Variants in HDAC4 observed in about 807,000 individuals in gnomAD.
HDAC4 encodes histone deacetylase A.
A neutral mutation model predicts 135.1 loss-of-function variants in HDAC4; 16 were observed. The ratio of observed to expected loss-of-function variants is 0.12; its 90% confidence interval spans 0.08 to 0.18. The LOEUF is 0.18. Ranked by LOEUF, HDAC4 falls within the 10% of genes least tolerant of loss-of-function variation. The pLI is 1.00. For synonymous variants in HDAC4, 685 were observed against 653.4 expected (o/e 1.05, Z -0.74); for missense variants, 1,143 against 1,511.8 (o/e 0.76, Z 4.05).
intron 1 of HDAC4, among the ~76,000 whole-genome samples, chr2:239,390,109 A>C (rs1174865391): frequency 6.6e-6 from 1 of 152,206 alleles, no homozygotes; most frequent in African/African-American, 2.4e-5. Context: ...AGCTGGATCA[A>C]ACAGTGCCTG....
At chr2:239,079,309 G>C (rs2035065814) in intron 22 of HDAC4, among the ~76,000 whole-genome samples, 2 of 152,212 alleles carry the variant, frequency 1.3e-5, no homozygotes, top group Admixed American at 1.3e-4. Flanking sequence ...TGAGATCAGG[G>C]GAAAAGTGGT....
Position 239,308,892 on chromosome 2 carries a change from C to T in HDAC4, c.22+43786G>A, listed in dbSNP as rs1437446829. Among the ~76,000 whole-genome samples the T allele has an allele frequency of 2.6e-5, 4 of 152,192 alleles. No homozygotes were observed. The highest frequency in any genetic ancestry group is 2.9e-5 in the Non-Finnish European group (2 of 68,040). On this transcript the variant is annotated intron_variant, in intron 2 of 26. Coordinates refer to ENST00000543185, the MANE Select transcript of HDAC4 (RefSeq NM_001378414.1). This position sits in a 1 kb window ranked among gnomAD's most constrained non-coding sequence, Gnocchi z 4.2. The stretch of plus-strand genomic sequence containing the variant: ...TCCCCTTCCTCTACACCCAAGCCCT[C>T]GGAAGCACGCTGCAGGCCCCTGGAG...
intron 2 of HDAC4, among the ~76,000 whole-genome samples, chr2:239,335,255 C>CA (rs996617143): frequency 6.6e-6 from 1 of 151,592 alleles, no homozygotes; most frequent in African/African-American, 2.4e-5. Context: ...TCACTTATGA[C>CA]AAAGTTGCAT....
At chr2:239,086,310 C>A (rs1235754640) in intron 19 of HDAC4, among the ~76,000 whole-genome samples, 1 of 135,902 alleles carries the variant, frequency 7.4e-6, no homozygotes, top group Non-Finnish European at 1.6e-5. Context: ...GAAGGAGACT[C>A]TGCTCTAACA....
In HDAC4 at chr2:239,308,675, T is replaced by A. The variant is rs540561259; in HGVS notation, c.22+44003A>T. On this transcript the variant is annotated intron_variant, in intron 2 of 26. Coordinates refer to ENST00000543185, the MANE Select transcript of HDAC4 (RefSeq NM_001378414.1). This position sits in a 1 kb window ranked among gnomAD's most constrained non-coding sequence, Gnocchi z 4.2. ...AGTGTGGTTAACAGGCCTCCGGGTG[T>A]CCCCCCCTTCCAGCCCAGTGCAGGG... Among the ~76,000 whole-genome samples, 13 of 151,998 alleles carry A rather than the reference T, an allele frequency of 8.6e-5. No homozygotes were observed. The South Asian group carries it at 2.7e-3, about 32-fold the overall frequency.
intron 22 of HDAC4, among the ~76,000 whole-genome samples, chr2:239,075,575 G>A (rs535080093): frequency 4.6e-5 from 7 of 152,344 alleles, no homozygotes; most frequent in Non-Finnish European, 8.8e-5. Flanking sequence ...CGTGAGGCAC[G>A]TACAGAGGGA....
intron 5 of HDAC4, 71 bp downstream of exon 5, chr2:239,176,342 C>A: frequency 5.4e-6 from 1 of 185,040 alleles, no homozygotes; most frequent in Non-Finnish European, 7.2e-6. Flanking sequence ...CTCTGCCCAG[C>A]CTTCCGTGCC....
chr2:239,063,996 G>A (rs1375438807), intron 24 of HDAC4, among the ~76,000 whole-genome samples: 1 of 152,234 alleles, frequency 6.6e-6, no homozygotes, highest in African/African-American at 2.4e-5. Flanking sequence ...GAGCCCTGCC[G>A]ATCATCTGCA....
At chr2:239,223,394 G>C (rs1357686116) in intron 3 of HDAC4, among the ~76,000 whole-genome samples, 1 of 152,242 alleles carries the variant, frequency 6.6e-6, no homozygotes, top group South Asian at 2.1e-4. Flanking sequence ...GTGGGCTGCA[G>C]CATCTTTCAA....
intron 11 of HDAC4, among the ~76,000 whole-genome samples, chr2:239,133,920 C>T (rs1021204035): frequency 6.6e-6 from 1 of 152,206 alleles, no homozygotes; most frequent in African/African-American, 2.4e-5. Context: ...ACAAACTGAC[C>T]ACAAGAGTCG....
rs1345813765 is a variant in HDAC4, at chr2:239,313,521, G to A, written c.22+39157C>T. Among the ~76,000 whole-genome samples the A allele has an allele frequency of 1.3e-5, 2 of 152,100 alleles. No homozygotes were observed. Among genetic ancestry groups the A allele is most frequent in the East Asian group, 1.9e-4 (1 of 5,172 alleles). The stretch of plus-strand genomic sequence containing the variant: ...TGGACTCTTCCTAACCTCACGAGAG[G>A]TGATGACCGGAATCATCCCAGTTTT... On this transcript the variant is annotated intron_variant, in intron 2 of 26. Coordinates refer to ENST00000543185, the MANE Select transcript of HDAC4 (RefSeq NM_001378414.1). The surrounding 1 kb of genome is among the most constrained non-coding windows in gnomAD (Gnocchi z 5.1).
chr2:239,293,456 A>G (rs2051654825), intron 2 of HDAC4, among the ~76,000 whole-genome samples: 1 of 152,174 alleles, frequency 6.6e-6, no homozygotes, highest in South Asian at 2.1e-4. Flanking sequence ...GGGGGATACA[A>G]TCTACCCCAG....
chr2:239,301,273 A>G (rs2052242462), intron 2 of HDAC4, among the ~76,000 whole-genome samples: 1 of 152,092 alleles, frequency 6.6e-6, no homozygotes, highest in Non-Finnish European at 1.5e-5. Context: ...ACGAGGGGCG[A>G]TGGTGGGGCG....
At position 239,301,473 on chromosome 2, in the gene HDAC4, T is replaced by TA. The variant is rs1559345110; in HGVS notation, c.22+51204_22+51205insT. 2.8e-5 allele frequency among the ~76,000 whole-genome samples: 4 copies of TA among 142,424 alleles called. No homozygotes were observed. The East Asian group carries it at 9.1e-4, about 33-fold the overall frequency. The allele number at this position is 142,424 out of a possible 152,430, so 93.4% of individuals were successfully genotyped here. On this transcript the variant is annotated intron_variant, in intron 2 of 26. Transcript: ENST00000543185. Reference sequence around the variant, plus strand: ...TAAATTCTGCTGGTGCTTTCTTTCTTTTTTTTTTTTTTTATTTTTCTCTCT... The same window carrying TA: ...TAAATTCTGCTGGTGCTTTCTTTCTTATTTTTTTTTTTTTATTTTTCTCTCT...
intron 2 of HDAC4, among the ~76,000 whole-genome samples, chr2:239,318,875 G>A (rs902605550): frequency 2.0e-5 from 3 of 152,128 alleles, no homozygotes; most frequent in Non-Finnish European, 4.4e-5. Context: ...ATCAACAGGG[G>A]TAAGTGAAAA....
chr2:239,181,222 A>G lies in HDAC4; in HGVS notation c.340-4659T>C. The stretch of plus-strand genomic sequence containing the variant: ...GGGGTGGGACTCAATTCCAGCCAGG[A>G]GCACGGGGATAGAAGAGCTGCAGAG... On this transcript the variant is annotated intron_variant, in intron 4 of 26. Transcript: ENST00000543185. 1.3e-5 allele frequency among the ~76,000 whole-genome samples: 2 copies of G among 152,194 alleles called. 1 individual carries two copies. The highest frequency in any genetic ancestry group is 2.9e-5 in the Non-Finnish European group (2 of 68,026).
At chr2:239,082,899 G>A (rs1217716700) in intron 20 of HDAC4, among the ~76,000 whole-genome samples, 1 of 152,264 alleles carries the variant, frequency 6.6e-6, no homozygotes, top group Non-Finnish European at 1.5e-5. Context: ...AGGATGGGCG[G>A]GCGAGGGGGT....
intron 17 of HDAC4, among the ~76,000 whole-genome samples, chr2:239,090,652 A>AT (rs2036426705): frequency 6.7e-6 from 1 of 149,948 alleles, no homozygotes; most frequent in Non-Finnish European, 1.5e-5. Flanking sequence ...CCAAAAAGGA[A>AT]AAAAAAAAAA....
intron 2 of HDAC4, among the ~76,000 whole-genome samples, chr2:239,260,254 C>T (rs2049279159): frequency 1.3e-5 from 2 of 152,232 alleles, no homozygotes; most frequent in Non-Finnish European, 2.9e-5. Context: ...AAAAGCATCG[C>T]ATGGTGGGTA....
Sources: gnomAD v4.1 joint callset for allele counts (sites outside exome capture counted in the v4.1 genomes callset) on GRCh38, gnomAD v4.1.1 for gene constraint, Gnocchi (gnomAD v3.1) non-coding constraint, MANE v1.5 for transcripts, NCBI Gene and HGNC (gene_info 2026-07-23, HGNC 2026-07-21) for gene names.